The following OPA1 variants were observed in gnomAD, a reference collection of about 807,000 sequenced individuals.
OPA1 encodes OPA1 mitochondrial dynamin like GTPase, also known as dynamin-like GTPase OPA1, mitochondrial.
OPA1 carries 59 observed loss-of-function variants against 152.9 expected under a neutral mutation model. That is an observed-to-expected ratio of 0.39 (90% CI 0.31 to 0.48). The LOEUF is 0.48. Ranked by LOEUF, OPA1 falls within the 20% of genes least tolerant of loss-of-function variation. OPA1 has a pLI of 0.96. For synonymous variants in OPA1, 400 were observed against 389.9 expected (o/e 1.03, Z -0.31); for missense variants, 1,008 against 1,216.8 (o/e 0.83, Z 2.55).
intron 21 of OPA1, among the ~76,000 whole-genome samples, chr3:193,654,385 A>C (rs1713274117): frequency 6.6e-6 from 1 of 151,346 alleles, no homozygotes; most frequent in Non-Finnish European, 1.5e-5. Context: ...AGTCCCACCT[A>C]CTCGGGAGGA....
In OPA1 at chr3:193,664,981, T is replaced by C; in HGVS notation, c.2763T>C (p.His921=). The change falls in exon 27 of 31, where the codon CAT becomes CAC. Residue 921 remains histidine (H), a synonymous_variant. Transcript: ENST00000361510. ...GAGGTTTTTATTACTACCAAAGGCA[T>C]TTTGTAGATTCTGAGGTAAGGTTTC... ...CRRGFYYYQR[H]FVDSELECND... 3 of 1,577,432 alleles carry C rather than the reference T, an allele frequency of 1.9e-6. No homozygotes were observed. Among genetic ancestry groups the C allele is most frequent in the Non-Finnish European group, 2.6e-6 (3 of 1,147,188 alleles).
At chr3:193,618,167 T>C (rs1184836783) in intron 5 of OPA1, among the ~76,000 whole-genome samples, 1 of 152,214 alleles carries the variant, frequency 6.6e-6, no homozygotes, top group Non-Finnish European at 1.5e-5. Flanking sequence ...TCATCTGCCC[T>C]GTCATGGTTG....
At chr3:193,662,544 C>G (rs1337451613) in intron 25 of OPA1, among the ~76,000 whole-genome samples, 1 of 152,076 alleles carries the variant, frequency 6.6e-6, no homozygotes, top group Non-Finnish European at 1.5e-5. Context: ...GTAACTTCCA[C>G]AGGAAAAAAC....
intron 21 of OPA1, among the ~76,000 whole-genome samples, chr3:193,653,085 A>G (rs989228451): frequency 3.3e-5 from 5 of 152,094 alleles, no homozygotes; most frequent in Admixed American, 6.5e-5. Context: ...ATAAAGTGGT[A>G]TCTGAAGAGG....
At chr3:193,676,433 T>C (rs1277295292) in intron 29 of OPA1, among the ~76,000 whole-genome samples, 1 of 152,178 alleles carries the variant, frequency 6.6e-6, no homozygotes, top group Non-Finnish European at 1.5e-5. Context: ...ATTTTTACCT[T>C]GAGTCTGTAT....
intron 25 of OPA1, among the ~76,000 whole-genome samples, chr3:193,661,348 T>C (rs1715220967): frequency 1.3e-5 from 2 of 152,072 alleles, no homozygotes; most frequent in East Asian, 3.9e-4. Context: ...TGTTTATATA[T>C]AGTGTTTTGT....
At chr3:193,605,234 C>T (rs1405893900) in intron 1 of OPA1, among the ~76,000 whole-genome samples, 2 of 152,118 alleles carry the variant, frequency 1.3e-5, no homozygotes, top group Non-Finnish European at 2.9e-5. Flanking sequence ...TCAGTGGGTA[C>T]ATTAGGTTAT....
rs983041061 is a variant in OPA1, at chr3:193,618,201, G to T, written c.610+364G>T. Among the ~76,000 whole-genome samples, 4 of 152,004 alleles carry T rather than the reference G, an allele frequency of 2.6e-5. No homozygotes were observed. The highest frequency in any genetic ancestry group is 1.3e-4 in the Admixed American group (2 of 15,264). On this transcript the variant is annotated intron_variant, in intron 5 of 30. Transcript: ENST00000361510. ...TGACATTTAAATTTGTTTTCCGGCC[G>T]GGCGCGGTGGCTCATGCCTGTAATC...
chr3:193,636,240 A>G (rs1395778546), intron 9 of OPA1, among the ~76,000 whole-genome samples: 2 of 151,798 alleles, frequency 1.3e-5, no homozygotes, highest in Non-Finnish European at 2.9e-5. Context: ...TTTGACTATA[A>G]ATCATGACTG....
At chr3:193,641,569 A>G (rs1733792721) in intron 11 of OPA1, among the ~76,000 whole-genome samples, 1 of 152,198 alleles carries the variant, frequency 6.6e-6, no homozygotes, top group African/African-American at 2.4e-5. Flanking sequence ...TACTCAACCC[A>G]GTGAAACTGC....
chr3:193,614,944 G>T lies in OPA1; in HGVS notation c.254G>T (p.Arg85Leu), dbSNP rs35630194. 1 of 1,613,836 alleles carries T rather than the reference G, an allele frequency of 6.2e-7. No individual in the cohort carries two copies. Among genetic ancestry groups the T allele is most frequent in the South Asian group, 1.1e-5 (1 of 91,060 alleles). ...FSPIKYGYQP[R>L]RNFWPARLAT... ...CCAATTAAATATGGCTACCAGCCTC[G>T]CAGGAATTTTTGGCCAGCAAGATTA... Residue 85 changes from arginine to leucine, a missense_variant, in exon 2 of 31, where the codon CGC (arginine) becomes CTC (leucine). Arg to Leu is a moderately radical substitution (Grantham distance 102). This residue lies in a region of OPA1 where 408 missense variants were observed against 395.1 expected (regional missense o/e 1.03). Coordinates refer to ENST00000361510, the MANE Select transcript of OPA1 (RefSeq NM_130837.3).
chr3:193,647,546 G>C (rs982728945), intron 19 of OPA1, among the ~76,000 whole-genome samples: 2 of 152,186 alleles, frequency 1.3e-5, no homozygotes, highest in Non-Finnish European at 2.9e-5. Context: ...ACCATTTCCT[G>C]AATCCCACAC....
chr3:193,619,817 CAGAA>C (rs1489932402), intron 6 of OPA1: 1 of 151,988 alleles, frequency 6.6e-6, no homozygotes, highest in African/African-American at 2.4e-5. Context: ...ATTTTGGAAG[CAGAA>C]AGAAGAAATA....
chr3:193,640,509 G>C (rs549210031), intron 11 of OPA1, among the ~76,000 whole-genome samples: 3 of 152,278 alleles, frequency 2.0e-5, no homozygotes, highest in African/African-American at 7.2e-5. Flanking sequence ...GTTTCCTTCT[G>C]ATTGCTTCCG....
intron 29 of OPA1, among the ~76,000 whole-genome samples, chr3:193,671,713 G>A (rs148882385): frequency 1.3e-4 from 20 of 152,308 alleles, no homozygotes; most frequent in African/African-American, 4.8e-4. Context: ...GATCTTTGTA[G>A]TGGTCTTGCA....
At position 193,691,845 on chromosome 3, in the gene OPA1, A is replaced by T. The variant is rs538998023; in HGVS notation, c.2984-218A>T. The T allele has an allele frequency of 1.3e-5, 6 of 468,764 alleles. No individual in the cohort carries two copies. In the South Asian group the frequency reaches 1.7e-4, roughly 13 times the overall value. 29.0% of individuals were successfully genotyped at this position (468,764 alleles called of 1,614,324 possible). On this transcript the variant is annotated intron_variant, in intron 29 of 30. Coordinates refer to ENST00000361510, the MANE Select transcript of OPA1 (RefSeq NM_130837.3). Reference sequence around the variant, plus strand: ...GTCCAGAGTTTTTGTTAGATCCTCAAAGGGGTCAGTCAGTCTCTCCTCCCA... The same window carrying T: ...GTCCAGAGTTTTTGTTAGATCCTCATAGGGGTCAGTCAGTCTCTCCTCCCA...
intron 29 of OPA1, among the ~76,000 whole-genome samples, chr3:193,690,472 G>A (rs1027361031): frequency 2.6e-5 from 4 of 151,932 alleles, no homozygotes; most frequent in African/African-American, 7.3e-5. Flanking sequence ...TCTAGCCTGG[G>A]CAACATAGTG....
chr3:193,635,360 A>T, intron 8 of OPA1, 58 bp from the exon 9 acceptor site: 1 of 1,011,072 alleles, frequency 9.9e-7, no homozygotes, highest in Non-Finnish European at 1.6e-6. Flanking sequence ...ATTTAGACTT[A>T]ATACTATTTG....
intron 29 of OPA1, among the ~76,000 whole-genome samples, chr3:193,680,249 A>G (rs1719915213): frequency 6.6e-6 from 1 of 152,188 alleles, no homozygotes; most frequent in Admixed American, 6.5e-5. Flanking sequence ...TGACTGTTTA[A>G]GAATCATTCT....
Sources: gnomAD v4.1 joint callset for allele counts (sites outside exome capture counted in the v4.1 genomes callset) on GRCh38, gnomAD v4.1.1 for gene constraint, gnomAD v4.1.1 regional missense constraint, MANE v1.5 for transcripts, NCBI Gene and HGNC (gene_info 2026-07-23, HGNC 2026-07-21) for gene names.